The following FUT9 variants were observed in gnomAD, a reference collection of about 807,000 sequenced individuals.
FUT9 encodes 4-galactosyl-N-acetylglucosaminide 3-alpha-L-fucosyltransferase 9.
In FUT9, 15 loss-of-function variants were observed where a neutral mutation model predicts 29.7. The observed-to-expected ratio is 0.51, with a 90% CI of 0.34 to 0.78. The LOEUF (loss-of-function observed/expected upper bound fraction) is 0.78, where lower values mean the gene tolerates loss of function less well. FUT9 is among the 30% of genes least tolerant of loss of function. The probability of loss-of-function intolerance (pLI) is 0.01; values close to 1 mark genes in which losing one functional copy is unlikely to be tolerated. For synonymous variants in FUT9, 169 were observed against 153.7 expected (o/e 1.10, Z -0.74); for missense variants, 319 against 425.4 (o/e 0.75, Z 2.20).
chr6:96,138,355 T>C (rs1364900994), intron 2 of FUT9, among the ~76,000 whole-genome samples: 1 of 152,236 alleles, frequency 6.6e-6, no homozygotes, highest in Non-Finnish European at 1.5e-5. Flanking sequence ...TATGCACTTC[T>C]ATTTTTTTCT....
chr6:96,069,862 A>G (rs950608404), intron 1 of FUT9, among the ~76,000 whole-genome samples: 1 of 151,966 alleles, frequency 6.6e-6, no homozygotes, highest in African/African-American at 2.4e-5. Context: ...CAATATCTGG[A>G]CCTCGTAACT....
intron 2 of FUT9, among the ~76,000 whole-genome samples, chr6:96,124,485 T>A (rs559415559): frequency 6.6e-6 from 1 of 152,140 alleles, no homozygotes; most frequent in African/African-American, 2.4e-5. Flanking sequence ...CTTACATAGA[T>A]TAGTGATTAT....
At chr6:96,069,851 T>A (rs1771028469) in intron 1 of FUT9, among the ~76,000 whole-genome samples, 1 of 151,966 alleles carries the variant, frequency 6.6e-6, no homozygotes, top group African/African-American at 2.4e-5. Flanking sequence ...CAGGATGGTC[T>A]CAATATCTGG....
intron 1 of FUT9, among the ~76,000 whole-genome samples, chr6:96,056,063 AAG>A (rs1406651933): frequency 3.3e-5 from 5 of 152,310 alleles, no homozygotes; most frequent in African/African-American, 1.2e-4. Flanking sequence ...ACTTTTAAAA[AAG>A]AATTTATATT....
chr6:96,203,530 G>A lies in FUT9; in HGVS notation c.375G>A (p.Arg125=). Residue 125 remains arginine, a synonymous_variant, in exon 3 of 3, where the codon AGG becomes AGA. Transcript: ENST00000302103. ...WDLTNLPQQA[R]PPFQKWIWMN... is the part of the protein sequence containing the mutation. The stretch of plus-strand genomic sequence containing the variant: ...TGACAAATTTACCTCAGCAAGCTAG[G>A]CCACCCTTCCAGAAATGGATTTGGA... The A allele has an allele frequency of 1.2e-6, 2 of 1,613,168 alleles. No individual in the cohort carries two copies. The highest frequency in any genetic ancestry group is 1.3e-5 in the African/African-American group (1 of 74,758).
chr6:96,120,927 A>C (rs1007597244), intron 2 of FUT9, among the ~76,000 whole-genome samples: 13 of 152,146 alleles, frequency 8.5e-5, no homozygotes, highest in Admixed American at 5.2e-4. Flanking sequence ...TAGATGGAAA[A>C]ATAGTTGGAT....
At chr6:96,030,916 C>T (rs777570994) in intron 1 of FUT9, among the ~76,000 whole-genome samples, 3 of 151,246 alleles carry the variant, frequency 2.0e-5, no homozygotes, top group Non-Finnish European at 4.4e-5. Context: ...TCAGTGGTTT[C>T]GAAGGGTTAG....
intron 1 of FUT9, among the ~76,000 whole-genome samples, chr6:96,068,417 T>C (rs1411775052): frequency 6.6e-6 from 1 of 152,082 alleles, no homozygotes; most frequent in Admixed American, 6.5e-5. Context: ...AAATACCCAA[T>C]ATGAAGATGA....
At chr6:96,078,501 A>G (rs1471147955) in intron 1 of FUT9, among the ~76,000 whole-genome samples, 1 of 134,196 alleles carries the variant, frequency 7.5e-6, no homozygotes, top group Non-Finnish European at 1.5e-5. Context: ...GCTCACTGCA[A>G]GCTCCGCCTC....
intron 1 of FUT9, among the ~76,000 whole-genome samples, chr6:96,034,450 A>G (rs951416352): frequency 6.6e-6 from 1 of 151,780 alleles, no homozygotes; most frequent in Non-Finnish European, 1.5e-5. Context: ...ATAAAGCAAT[A>G]CCAAAATGGA....
At chr6:96,152,490 C>T (rs1053878004) in intron 2 of FUT9, among the ~76,000 whole-genome samples, 7 of 152,120 alleles carry the variant, frequency 4.6e-5, no homozygotes, top group African/African-American at 1.2e-4. Flanking sequence ...TAATTAAAAG[C>T]CTTGCTCCTG....
chr6:96,207,469 G>A lies in FUT9; in HGVS notation c.*3234G>A, dbSNP rs1773854314. 6.0e-6 allele frequency: 1 copy of A among 166,978 alleles called. No individual in the cohort carries two copies. The highest frequency in any genetic ancestry group is 1.5e-5 in the Non-Finnish European group (1 of 68,070). 10.3% of individuals were successfully genotyped at this position (166,978 alleles called of 1,614,324 possible). On this transcript the variant is annotated 3_prime_UTR_variant, in exon 3 of 3. Transcript: ENST00000302103. ...ATACAATAAATAAAACATCAAACTT[G>A]TTAGCATTCGTTCTGGTTTAAATAT...
chr6:96,030,206 A>T (rs1035016074), intron 1 of FUT9, among the ~76,000 whole-genome samples: 3 of 151,640 alleles, frequency 2.0e-5, no homozygotes. Context: ...TACTTACAAA[A>T]TACACATCAT....
At chr6:96,035,030 A>C (rs1412916223) in intron 1 of FUT9, among the ~76,000 whole-genome samples, 1 of 151,830 alleles carries the variant, frequency 6.6e-6, no homozygotes, top group Non-Finnish European at 1.5e-5. Flanking sequence ...AAAAGCTCTG[A>C]TAAAAGAGGG....
At chr6:96,133,665 A>C (rs912207582) in intron 2 of FUT9, among the ~76,000 whole-genome samples, 1 of 151,902 alleles carries the variant, frequency 6.6e-6, no homozygotes, top group Non-Finnish European at 1.5e-5. Flanking sequence ...ACATGGAATA[A>C]ATTTTCAGTA....
chr6:96,103,777 C>A (rs7452117), intron 1 of FUT9, among the ~76,000 whole-genome samples: 6,165 of 152,094 alleles, frequency 0.041, 178 homozygotes, highest in South Asian at 0.12. Flanking sequence ...TCTTTATTGA[C>A]GTATATTTGA....
chr6:96,189,964 T>G (rs1257642148), intron 2 of FUT9, among the ~76,000 whole-genome samples: 1 of 152,216 alleles, frequency 6.6e-6, no homozygotes, highest in Non-Finnish European at 1.5e-5. Context: ...GTTAGCTGGT[T>G]ATTTTGCTCA....
chr6:96,139,009 A>G (rs1261768631), intron 2 of FUT9, among the ~76,000 whole-genome samples: 1 of 152,188 alleles, frequency 6.6e-6, no homozygotes, highest in Non-Finnish European at 1.5e-5. Flanking sequence ...CATGTTTTAA[A>G]AAAAATGACC....
At chr6:96,131,659 C>T (rs1323286895) in intron 2 of FUT9, among the ~76,000 whole-genome samples, 8 of 152,102 alleles carry the variant, frequency 5.3e-5, no homozygotes, top group Non-Finnish European at 7.4e-5. Flanking sequence ...CCAGCTTCCA[C>T]GTTCATTCAG....
Sources: gnomAD v4.1 joint callset for allele counts (sites outside exome capture counted in the v4.1 genomes callset) on GRCh38, gnomAD v4.1.1 for gene constraint, MANE v1.5 for transcripts, NCBI Gene and HGNC (gene_info 2026-07-23, HGNC 2026-07-21) for gene names.